CFAP263: variants seen among roughly 807,000 people sequenced by gnomAD.
CFAP263 encodes cilia and flagella associated protein 263, also known as cilia- and flagella-associated protein 263.
the CFAP263 span, chr16:58,278,654 C>G: frequency 6.2e-7 from 1 of 1,612,844 alleles, no homozygotes; most frequent in South Asian, 1.1e-5. Context: ...CACGGGGAGC[C>G]CCAAGATGGG....
chr16:58,250,228 G>T, the CFAP263 span: 2 of 607,362 alleles, frequency 3.3e-6, no homozygotes, highest in Non-Finnish European at 5.7e-6. Flanking sequence ...CTGAGCACTG[G>T]GGAGACTTTT....
At chr16:58,259,875 C>G in the CFAP263 span, 6 of 1,591,790 alleles carry the variant, frequency 3.8e-6, no homozygotes, top group Middle Eastern at 1.7e-4. Flanking sequence ...GGAGAAATTA[C>G]GTTTGAAAAA....
At chr16:58,282,858 T>C in the CFAP263 span, 4 of 152,286 alleles carry the variant, frequency 2.6e-5, no homozygotes, top group South Asian at 2.1e-4. Context: ...GGACAAATGA[T>C]TGGATGAGTG....
chr16:58,267,299 C>G, the CFAP263 span, among the ~76,000 whole-genome samples: 1 of 152,124 alleles, frequency 6.6e-6, no homozygotes, highest in Non-Finnish European at 1.5e-5. Context: ...CTCCAAGGTC[C>G]TCTCCTCCCC....
At chr16:58,275,899 A>T in the CFAP263 span, among the ~76,000 whole-genome samples, 1 of 152,226 alleles carries the variant, frequency 6.6e-6, no homozygotes, top group Admixed American at 6.5e-5. Flanking sequence ...TACTGGGAAA[A>T]TTTTTAATAT....
At chr16:58,278,457 G>T in the CFAP263 span, 2 of 1,611,504 alleles carry the variant, frequency 1.2e-6, no homozygotes, top group South Asian at 2.2e-5. Context: ...GGTTCCCTGG[G>T]TGTAACTGGT....
At chr16:58,280,741 G>A in the CFAP263 span, 1 of 1,604,790 alleles carries the variant, frequency 6.2e-7, no homozygotes, top group Admixed American at 1.7e-5. Flanking sequence ...GCACATCATT[G>A]GGCTTCCTGG....
the CFAP263 span, among the ~76,000 whole-genome samples, chr16:58,275,053 T>G: frequency 6.6e-6 from 1 of 152,244 alleles, no homozygotes; most frequent in Non-Finnish European, 1.5e-5. Context: ...TCTGCCCACA[T>G]CTTTGGGTCT....
the CFAP263 span, among the ~76,000 whole-genome samples, chr16:58,255,809 C>T: frequency 1.3e-5 from 2 of 151,938 alleles, no homozygotes; most frequent in African/African-American, 4.8e-5. Context: ...GTGATCCACT[C>T]GCCTCAGCCT....
At chr16:58,258,506 G>A in the CFAP263 span, 1 of 1,613,980 alleles carries the variant, frequency 6.2e-7, no homozygotes, top group South Asian at 1.1e-5. Context: ...ATACATTGAG[G>A]ACATGAACCG....
At chr16:58,249,961 G>C in the CFAP263 span, 1 of 1,248,954 alleles carries the variant, frequency 8.0e-7, no homozygotes, top group Admixed American at 2.0e-5. Context: ...CGTGGCCGCC[G>C]GCACCCGGAG....
chr16:58,272,172 C>A, the CFAP263 span, among the ~76,000 whole-genome samples: 2 of 152,060 alleles, frequency 1.3e-5, no homozygotes, highest in Non-Finnish European at 2.9e-5. Context: ...CCCGCCACCA[C>A]GCCCGGCTAA....
the CFAP263 span, chr16:58,254,247 G>A: frequency 7.1e-7 from 1 of 1,414,218 alleles, no homozygotes; most frequent in Admixed American, 1.8e-5. Context: ...TCATGTGATT[G>A]TTGGGGCTTT....
At chr16:58,261,049 C>T in the CFAP263 span, among the ~76,000 whole-genome samples, 1 of 152,094 alleles carries the variant, frequency 6.6e-6, no homozygotes, top group African/African-American at 2.4e-5. Flanking sequence ...CGGCCCCTAC[C>T]TGGAGTGTCA....
chr16:58,278,759 G>A, the CFAP263 span: 1 of 900,034 alleles, frequency 1.1e-6, no homozygotes, highest in Non-Finnish European at 1.7e-6. Context: ...AGAAACCTCA[G>A]CAGTTGCTTT....
chr16:58,266,051 A>G, the CFAP263 span, among the ~76,000 whole-genome samples: 1 of 152,106 alleles, frequency 6.6e-6, no homozygotes, highest in South Asian at 2.1e-4. Flanking sequence ...TGCTTTCCTT[A>G]GCAGAGCAAC....
chr16:58,278,666 A>G, the CFAP263 span: 1 of 1,608,986 alleles, frequency 6.2e-7, no homozygotes, highest in Non-Finnish European at 8.5e-7. Context: ...CAAGATGGGC[A>G]GTCTTTTATG....
the CFAP263 span, chr16:58,280,972 T>C: frequency 1.8e-6 from 1 of 547,328 alleles, no homozygotes; most frequent in South Asian, 2.8e-5. Context: ...AGCTGTGGAC[T>C]TCTGCTGATT....
chr16:58,275,430 G>T, the CFAP263 span, among the ~76,000 whole-genome samples: 1 of 151,370 alleles, frequency 6.6e-6, no homozygotes, highest in African/African-American at 2.4e-5. Context: ...ACCAAGGAAG[G>T]TTTTTTTGTT....
Sources: allele counts gnomAD v4.1 joint callset (sites outside exome capture counted in the v4.1 genomes callset), GRCh38; gene constraint gnomAD v4.1.1; transcripts MANE v1.5; gene names NCBI Gene and HGNC (gene_info 2026-07-23, HGNC 2026-07-21).